Variants in MACROD2 observed in about 807,000 individuals in gnomAD.
MACROD2 encodes ADP-ribose glycohydrolase MACROD2.
MACROD2 carries 36 observed loss-of-function variants against 70.4 expected under a neutral mutation model. The ratio of observed to expected loss-of-function variants is 0.51; its 90% CI spans 0.39 to 0.68. The LOEUF is 0.68. Ranked by LOEUF, MACROD2 falls within the 30% of genes least tolerant of loss-of-function variation. MACROD2 has a pLI of 0.00. For missense variants in MACROD2, 496 were observed against 538.4 expected (o/e 0.92, Z 0.78); for synonymous variants, 172 against 178.8 (o/e 0.96, Z 0.30).
At chr20:14,792,537 G>A (rs1205796314) in intron 5 of MACROD2, among the ~76,000 whole-genome samples, 1 of 151,990 alleles carries the variant, frequency 6.6e-6, no homozygotes, top group Non-Finnish European at 1.5e-5. Context: ...TTCATAAGAG[G>A]AAGCTTTTCT....
chr20:15,890,267 C>A (rs1260600066), intron 10 of MACROD2, among the ~76,000 whole-genome samples: 1 of 152,160 alleles, frequency 6.6e-6, no homozygotes, highest in Non-Finnish European at 1.5e-5. Context: ...AATTCCCATT[C>A]TGGTGGAAAA....
intron 8 of MACROD2, among the ~76,000 whole-genome samples, chr20:15,745,957 G>A (rs1174867594): frequency 6.6e-6 from 1 of 152,172 alleles, no homozygotes; most frequent in African/African-American, 2.4e-5. Flanking sequence ...ATTTGGCAGA[G>A]CAAGTCTTAC....
intron 8 of MACROD2, among the ~76,000 whole-genome samples, chr20:15,654,002 G>C (rs2049686590): frequency 6.6e-6 from 1 of 151,120 alleles, no homozygotes; most frequent in Non-Finnish European, 1.5e-5. Flanking sequence ...CCTCCGACTA[G>C]GGCAGAGTTT....
intron 8 of MACROD2, among the ~76,000 whole-genome samples, chr20:15,800,291 T>C (rs1378103136): frequency 6.6e-6 from 1 of 150,910 alleles, no homozygotes; most frequent in African/African-American, 2.5e-5. Flanking sequence ...TAATTTAATA[T>C]GGTCCCATTT....
chr20:14,040,462 G>A (rs2053376586), intron 2 of MACROD2, among the ~76,000 whole-genome samples: 1 of 152,140 alleles, frequency 6.6e-6, no homozygotes. Context: ...TTGGTTACAT[G>A]AATAAGTTCT....
At chr20:14,718,605 T>C (rs989060529) in intron 5 of MACROD2, among the ~76,000 whole-genome samples, 2 of 152,132 alleles carry the variant, frequency 1.3e-5, no homozygotes, top group Non-Finnish European at 2.9e-5. Context: ...TGAGTTCCTA[T>C]TGAACACAGA....
At chr20:14,506,086 C>G (rs2084966407) in intron 4 of MACROD2, among the ~76,000 whole-genome samples, 1 of 152,084 alleles carries the variant, frequency 6.6e-6, no homozygotes, top group African/African-American at 2.4e-5. Context: ...TCAAACAAGA[C>G]TCATAGACTT....
chr20:14,772,749 G>T (rs1029632214), intron 5 of MACROD2, among the ~76,000 whole-genome samples: 1 of 152,048 alleles, frequency 6.6e-6, no homozygotes, highest in Admixed American at 6.6e-5. Context: ...CAGTGAGTCA[G>T]TGCTATTTTT....
intron 3 of MACROD2, among the ~76,000 whole-genome samples, chr20:14,452,196 T>C (rs1469020040): frequency 6.6e-6 from 1 of 152,118 alleles, no homozygotes; most frequent in African/African-American, 2.4e-5. Flanking sequence ...TTCATTTATA[T>C]GTTTATTAAG....
intron 5 of MACROD2, among the ~76,000 whole-genome samples, chr20:14,718,978 A>G (rs1036173593): frequency 6.6e-6 from 1 of 152,158 alleles, no homozygotes; most frequent in African/African-American, 2.4e-5. Flanking sequence ...TCACGTCTGT[A>G]ATCCTAACAC....
intron 4 of MACROD2, chr20:14,493,723 T>G: frequency 2.5e-6 from 1 of 407,320 alleles, no homozygotes; most frequent in South Asian, 3.4e-5. Context: ...AGTACTCTTG[T>G]CAAACTTTGT....
chr20:16,032,527 G>C (rs982950982), intron 15 of MACROD2, among the ~76,000 whole-genome samples: 12 of 151,694 alleles, frequency 7.9e-5, no homozygotes, highest in Admixed American at 6.6e-4. Flanking sequence ...AAGGAAGAAA[G>C]AGGGGAGGGA....
chr20:14,639,252 A>G (rs868289736), intron 4 of MACROD2, among the ~76,000 whole-genome samples: 2 of 151,948 alleles, frequency 1.3e-5, no homozygotes, highest in Admixed American at 6.6e-5. Context: ...GTTATGAGTA[A>G]GCTTAATTTT....
At chr20:14,955,818 G>C (rs900110460) in intron 5 of MACROD2, among the ~76,000 whole-genome samples, 2 of 152,034 alleles carry the variant, frequency 1.3e-5, no homozygotes, top group African/African-American at 4.8e-5. Context: ...AAGGAGAGAG[G>C]GGGAAGCGAA....
intron 5 of MACROD2, among the ~76,000 whole-genome samples, chr20:15,205,579 GA>G (rs1305473354): frequency 6.8e-6 from 1 of 147,288 alleles, no homozygotes; most frequent in Admixed American, 6.7e-5. Context: ...TTACTTCAAA[GA>G]AAGAAGAGAA....
At chr20:14,831,074 G>C (rs148825460) in intron 5 of MACROD2, among the ~76,000 whole-genome samples, 1 of 152,028 alleles carries the variant, frequency 6.6e-6, no homozygotes, top group Non-Finnish European at 1.5e-5. Context: ...GCTGTGTTGC[G>C]AGCCTCACTT....
intron 7 of MACROD2, among the ~76,000 whole-genome samples, chr20:15,464,808 C>T (rs1600450621): frequency 1.3e-5 from 2 of 152,250 alleles, no homozygotes; most frequent in Non-Finnish European, 2.9e-5. Context: ...TATTGCTCTG[C>T]CTGAAAAGTC....
chr20:14,033,826 T>G lies in MACROD2; in HGVS notation c.163+31422T>G, dbSNP rs1048475387. On this transcript the variant is annotated intron_variant, in intron 2 of 17. Coordinates refer to ENST00000684519, the MANE Select transcript of MACROD2 (RefSeq NM_001351661.2). ...ATTTATATAAATGTGTGTGTAGAATTTACCTTTCCTTTTATCACACAGAAT... is the reference window on the plus strand; with the variant it reads ...ATTTATATAAATGTGTGTGTAGAATGTACCTTTCCTTTTATCACACAGAAT... Among the ~76,000 whole-genome samples, 11 of 152,168 alleles carry G rather than the reference T, an allele frequency of 7.2e-5. 1 individual carries two copies. Among genetic ancestry groups the G allele is most frequent in the Admixed American group, 5.2e-4 (8 of 15,280 alleles).
intron 3 of MACROD2, among the ~76,000 whole-genome samples, chr20:14,445,487 G>T (rs2084173193): frequency 1.3e-5 from 2 of 151,972 alleles, no homozygotes; most frequent in African/African-American, 4.8e-5. Flanking sequence ...TCTTCCTCAA[G>T]ATTACTGACA....
Sources: allele counts gnomAD v4.1 joint callset (sites outside exome capture counted in the v4.1 genomes callset), GRCh38; gene constraint gnomAD v4.1.1; transcripts MANE v1.5; gene names NCBI Gene and HGNC (gene_info 2026-07-23, HGNC 2026-07-21).